Variants in CLTA observed in about 807,000 individuals in gnomAD.
CLTA encodes clathrin, light polypeptide (Lca).
In CLTA, 9 loss-of-function variants were observed where a neutral mutation model predicts 26.9. The observed-to-expected ratio is 0.33, with a 90% CI of 0.20 to 0.58. The LOEUF is 0.58. Ranked by LOEUF, CLTA falls within the 20% of genes least tolerant of loss-of-function variation. The pLI, the probability that CLTA is intolerant of heterozygous loss-of-function variation, is 0.85. For synonymous variants in CLTA, 120 were observed against 115.5 expected (o/e 1.04, Z -0.25); for missense variants, 278 against 294.2 (o/e 0.94, Z 0.40).
chr9:36,209,136 G>A, intron 4 of CLTA: 1 of 1,119,800 alleles, frequency 8.9e-7, no homozygotes, highest in Non-Finnish European at 1.3e-6. Flanking sequence ...ACGGGGGTTA[G>A]GAAGGAGCCT....
At chr9:36,199,264 C>T (rs1827256644) in intron 3 of CLTA, among the ~76,000 whole-genome samples, 168 bp downstream of exon 3, 1 of 152,086 alleles carries the variant, frequency 6.6e-6, no homozygotes, top group South Asian at 2.1e-4. Flanking sequence ...GATGCCTAAT[C>T]ACAGGCCATT....
intron 1 of CLTA, among the ~76,000 whole-genome samples, chr9:36,195,369 T>C (rs1267937389): frequency 6.6e-6 from 1 of 152,072 alleles, no homozygotes; most frequent in African/African-American, 2.4e-5. Flanking sequence ...TATTTGACTA[T>C]TAGAGAGCAA....
chr9:36,193,172 C>T (rs1339324828), intron 1 of CLTA, among the ~76,000 whole-genome samples: 2 of 152,178 alleles, frequency 1.3e-5, no homozygotes, highest in African/African-American at 4.8e-5. Context: ...CTAGGAGGGA[C>T]TTTCTTAGTG....
chr9:36,205,755 G>GTTTTTTT (rs746587996), intron 4 of CLTA, among the ~76,000 whole-genome samples: 5 of 94,006 alleles, frequency 5.3e-5, no homozygotes, highest in African/African-American at 1.6e-4. Context: ...AATGACACCT[G>GTTTTTTT]TTTTTTTTTT....
chr9:36,190,898 G>A, upstream of CLTA: 1 of 1,303,578 alleles, frequency 7.7e-7, no homozygotes. Flanking sequence ...CGCCTAGACC[G>A]ACCGGATACA....
chr9:36,190,883 A>C (rs1480180402), upstream of CLTA: 3 of 1,166,358 alleles, frequency 2.6e-6, no homozygotes, highest in African/African-American at 3.3e-5. Context: ...TCGGCTCTGC[A>C]ACACCGCCTA....
intron 1 of CLTA, among the ~76,000 whole-genome samples, chr9:36,196,804 A>G (rs770390767): frequency 5.3e-5 from 8 of 152,210 alleles, no homozygotes; most frequent in Non-Finnish European, 1.0e-4. Context: ...TTAAAGTGGT[A>G]AAAGGCCACT....
At position 36,199,603 on chromosome 9, in the gene CLTA, A is replaced by G. The variant is rs544228548; in HGVS notation, c.373+507A>G. ...GTAGCTGGGTCTACAGGCGCCCGCCACTACGTCCCGCTCATTTTTTTTTTG... is the reference window on the plus strand; with the variant it reads ...GTAGCTGGGTCTACAGGCGCCCGCCGCTACGTCCCGCTCATTTTTTTTTTG... On this transcript the variant is annotated intron_variant, in intron 3 of 4. Transcript: ENST00000345519. Among the ~76,000 whole-genome samples the G allele has an allele frequency of 6.2e-5, 9 of 145,828 alleles. No individual in the cohort carries two copies. In the East Asian group the frequency reaches 1.4e-3, roughly 23 times the overall value.
In CLTA at chr9:36,197,579, A is replaced by C. The variant is rs781428322; in HGVS notation, c.246A>C (p.Glu82Asp). 6.2e-7 allele frequency: 1 copy of C among 1,609,674 alleles called. No individual in the cohort carries two copies. Among genetic ancestry groups the C allele is most frequent in the Non-Finnish European group, 8.5e-7 (1 of 1,176,914 alleles). The change falls in exon 2 of 5, where the codon GAA becomes GAC. Residue 82 changes from glutamate (E) to aspartate (D), a missense_variant. Physicochemically the swap from Glu to Asp is conservative, Grantham distance 45 (BLOSUM62 2). Coordinates refer to ENST00000345519, the MANE Select transcript of CLTA (RefSeq NM_001833.4). ...PDAVDGVMNG[E>D]YYQESNGPTD... ...CTGTTGATGGAGTAATGAATGGTGAATACTACCAGGTACAGAGTACTCTGA... is the reference window on the plus strand; with the variant it reads ...CTGTTGATGGAGTAATGAATGGTGACTACTACCAGGTACAGAGTACTCTGA...
chr9:36,198,891 AAC>A, intron 2 of CLTA, 86 bp from the exon 3 acceptor site: 48 of 856,948 alleles, frequency 5.6e-5, no homozygotes, highest in South Asian at 1.4e-4. Flanking sequence ...AAAAAAAAAA[AAC>A]AGAACCAGGG....
chr9:36,198,944 G>T, intron 2 of CLTA, 35 bp from the exon 3 acceptor site: 1 of 1,400,314 alleles, frequency 7.1e-7, no homozygotes, highest in South Asian at 1.2e-5. Flanking sequence ...AGGAATTTTT[G>T]GTATTAATAT....
chr9:36,195,923 G>A (rs968939051), intron 1 of CLTA, among the ~76,000 whole-genome samples: 1 of 151,912 alleles, frequency 6.6e-6, no homozygotes, highest in South Asian at 2.1e-4. Context: ...AGCCGAGATC[G>A]CGCCAGTGTA....
At chr9:36,210,847 AGT>A (rs1423261394) in intron 4 of CLTA, among the ~76,000 whole-genome samples, 1 of 152,110 alleles carries the variant, frequency 6.6e-6, no homozygotes, top group Non-Finnish European at 1.5e-5. Flanking sequence ...AGATGAATAT[AGT>A]GTGTCTTAGC....
Position 36,201,377 on chromosome 9 carries a change from G to T in CLTA, c.373+2281G>T, listed in dbSNP as rs144367115. ...TGACCAGTAACGAGGGTGGCCAGAA[G>T]GGAAGGCACCTGTGAATGTGCTTTG... On this transcript the variant is annotated intron_variant, in intron 3 of 4. Coordinates refer to ENST00000345519, the MANE Select transcript of CLTA (RefSeq NM_001833.4). Among the ~76,000 whole-genome samples, 14 of 152,288 alleles carry T rather than the reference G, an allele frequency of 9.2e-5. 1 individual carries two copies. The East Asian group carries it at 2.7e-3, about 29-fold the overall frequency.
intron 2 of CLTA, 35 bp downstream of exon 2, chr9:36,197,623 A>T (rs373355098): frequency 6.7e-7 from 1 of 1,498,496 alleles, no homozygotes; most frequent in African/African-American, 1.4e-5. Context: ...ATTGATAGTG[A>T]TTGAGAATCT....
chr9:36,193,417 A>G (rs1053467759), intron 1 of CLTA, among the ~76,000 whole-genome samples: 8 of 151,798 alleles, frequency 5.3e-5, no homozygotes, highest in Admixed American at 3.3e-4. Flanking sequence ...GACAATGTAT[A>G]TAACTACCAC....
intron 1 of CLTA, among the ~76,000 whole-genome samples, chr9:36,193,808 A>T (rs946966512): frequency 6.6e-6 from 1 of 152,218 alleles, no homozygotes; most frequent in African/African-American, 2.4e-5. Context: ...TTTGGTTGTT[A>T]AGAGATCCAG....
intron 1 of CLTA, among the ~76,000 whole-genome samples, chr9:36,194,853 T>C (rs985081766): frequency 1.3e-5 from 2 of 152,260 alleles, no homozygotes; most frequent in African/African-American, 4.8e-5. Flanking sequence ...AGCCAGTTGA[T>C]TCTTGTAAGA....
At position 36,199,028 on chromosome 9, in the gene CLTA, G is replaced by A. The variant is rs10972787; in HGVS notation, c.305G>A (p.Arg102Gln). 5.6e-6 allele frequency: 9 copies of A among 1,613,918 alleles called. No individual in the cohort carries two copies. Among genetic ancestry groups the A allele is most frequent in the South Asian group, 3.3e-5 (3 of 91,086 alleles). The part of the protein sequence containing the change: ...DSYAAISQVD[R>Q]LQSEPESIRK... The stretch of plus-strand genomic sequence containing the variant: ...TATGCAGCTATTTCACAAGTGGATC[G>A]ATTGCAGTCAGAGCCTGAAAGTATC... Residue 102 changes from arginine (R) to glutamine (Q), a missense_variant, in exon 3 of 5, where the codon CGA becomes CAA. Coordinates refer to ENST00000345519, the MANE Select transcript of CLTA (RefSeq NM_001833.4).
Sources: gnomAD v4.1 joint callset for allele counts (sites outside exome capture counted in the v4.1 genomes callset) on GRCh38, gnomAD v4.1.1 for gene constraint, MANE v1.5 for transcripts, NCBI Gene and HGNC (gene_info 2026-07-23, HGNC 2026-07-21) for gene names.